The following TMEM165 variants were observed in gnomAD, a reference collection of about 807,000 sequenced individuals.
TMEM165 encodes transmembrane protein 165, also known as putative divalent cation/proton antiporter TMEM165.
Under a neutral mutation model 30.0 loss-of-function variants are expected in TMEM165, and 19 were observed. The ratio of observed to expected loss-of-function variants is 0.63; its 90% CI spans 0.44 to 0.93. TMEM165 has a LOEUF of 0.93. Ranked by LOEUF, TMEM165 falls within the 40% of genes least tolerant of loss-of-function variation. The pLI is 0.00. For synonymous variants in TMEM165, 168 were observed against 162.9 expected, an observed-to-expected ratio of 1.03 and a Z score of -0.24; for missense variants, 340 against 417.0, an observed-to-expected ratio of 0.82 and a Z score of 1.61.
intron 2 of TMEM165, among the ~76,000 whole-genome samples, chr4:55,412,393 C>CAAAAAAAAAAAAAAAA (rs371124857): frequency 7.4e-5 from 4 of 54,374 alleles, no homozygotes; most frequent in African/African-American, 3.0e-4. Context: ...GACTCCATCT[C>CAAAAAAAAAAAAAAAA]AAAAAAAAAA....
intron 3 of TMEM165, chr4:55,444,835 T>A (rs1401250894): frequency 1.9e-6 from 3 of 1,563,198 alleles, no homozygotes. Flanking sequence ...AATTACTTAC[T>A]CCTTATAATT....
chr4:55,426,875 CAT>C (rs981458713), downstream of TMEM165, among the ~76,000 whole-genome samples: 8 of 152,206 alleles, frequency 5.3e-5, no homozygotes, highest in East Asian at 1.9e-4. Flanking sequence ...AGAAGTAGCA[CAT>C]GTTGGTAAAA....
chr4:55,452,326 A>T (rs1724533436), exon 4 of TMEM165: 1 of 152,264 alleles, frequency 6.6e-6, no homozygotes. Flanking sequence ...TCAGCCAGCA[A>T]GAAACCAAGG....
chr4:55,396,375 C>G lies in TMEM165; in HGVS notation c.186C>G (p.Gly62=). The part of the protein sequence containing the change: ...QLQPQPVAVQ[G]PEPARVEKIF... ...AGCCGCAGCCTGTGGCTGTGCAGGG[C>G]CCCGAGCCGGCCCGGGTCGAGGTGA... Residue 62 remains glycine, a synonymous_variant, in exon 1 of 6, where the codon GGC becomes GGG. Coordinates refer to ENST00000381334, the MANE Select transcript of TMEM165 (RefSeq NM_018475.5). 1 of 1,500,192 alleles carries G rather than the reference C, an allele frequency of 6.7e-7. No homozygotes were observed. Among genetic ancestry groups the G allele is most frequent in the Non-Finnish European group, 8.8e-7 (1 of 1,130,020 alleles). 92.9% of individuals were successfully genotyped at this position (1,500,192 alleles called of 1,614,324 possible). A position where few individuals can be genotyped will look rare whatever the true frequency, so the allele number is the denominator to read the frequency against.
At chr4:55,420,106 A>AAAAAAAT (rs1474254120) in intron 4 of TMEM165, among the ~76,000 whole-genome samples, 4 of 45,438 alleles carry the variant, frequency 8.8e-5, no homozygotes, top group African/African-American at 1.6e-4. Context: ...AAGAAAAAAA[A>AAAAAAAT]ATATATATAT....
chr4:55,403,760 T>C (rs1477023454), intron 1 of TMEM165, among the ~76,000 whole-genome samples: 1 of 152,146 alleles, frequency 6.6e-6, no homozygotes, highest in Admixed American at 6.5e-5. Context: ...CTGCATCTAA[T>C]CCTGTATGCA....
intron 3 of TMEM165, chr4:55,448,893 TG>T: frequency 6.5e-7 from 1 of 1,539,980 alleles, no homozygotes; most frequent in Non-Finnish European, 9.0e-7. Flanking sequence ...AAAATAACAC[TG>T]AAGTGATTCT....
intron 3 of TMEM165, among the ~76,000 whole-genome samples, chr4:55,446,574 TA>T (rs1723870209): frequency 6.6e-6 from 1 of 152,224 alleles, no homozygotes; most frequent in Admixed American, 6.5e-5. Context: ...CATGGGCTTT[TA>T]AAGACTAGGC....
chr4:55,444,454 C>T (rs12643926), intron 3 of TMEM165, among the ~76,000 whole-genome samples: 88,360 of 151,504 alleles, frequency 0.58, 27,329 homozygotes, highest in South Asian at 0.81. Context: ...CCCTCAGAAA[C>T]AAATTATCTT....
chr4:55,433,123 A>G (rs1315731756), intron 3 of TMEM165: 1 of 152,644 alleles, frequency 6.6e-6, no homozygotes, highest in Non-Finnish European at 1.5e-5. Flanking sequence ...TAAGGTCAAG[A>G]AAGGCAATTT....
At position 55,418,891 on chromosome 4, in the gene TMEM165, A is replaced by C. The variant is rs373636694; in HGVS notation, c.792+906A>C. On this transcript the variant is annotated intron_variant, in intron 4 of 5. Coordinates refer to ENST00000381334, the MANE Select transcript of TMEM165 (RefSeq NM_018475.5). Reference sequence around the variant, plus strand: ...GAGAAACCCCTACTACTAAAAATACAAAAATTAGCCGGGCAAGGTGGCTCA... The same window carrying C: ...GAGAAACCCCTACTACTAAAAATACCAAAATTAGCCGGGCAAGGTGGCTCA... 8.5e-4 allele frequency among the ~76,000 whole-genome samples: 130 copies of C among 152,068 alleles called. 2 individuals are homozygous for C. In the South Asian group the frequency reaches 0.026, roughly 30 times the overall value.
intron 3 of TMEM165, among the ~76,000 whole-genome samples, chr4:55,436,892 C>CCTT (rs1553889205): frequency 1.0e-5 from 1 of 98,366 alleles, no homozygotes; most frequent in East Asian, 3.7e-4. Context: ...TTTGGGATGC[C>CCTT]TTTTTTTTTT....
chr4:55,416,993 A>C (rs1371510054), intron 2 of TMEM165, 79 bp from the exon 3 acceptor site: 2 of 1,287,114 alleles, frequency 1.6e-6, no homozygotes, highest in East Asian at 4.9e-5. Flanking sequence ...ACAGTGATAA[A>C]TTATTATTTC....
At chr4:55,407,269 T>C (rs1414819195) in intron 1 of TMEM165, among the ~76,000 whole-genome samples, 1 of 152,134 alleles carries the variant, frequency 6.6e-6, no homozygotes, top group Non-Finnish European at 1.5e-5. Flanking sequence ...GGCTTGTGGT[T>C]AGCAAAAGCC....
chr4:55,420,142 T>TA (rs61564475), intron 4 of TMEM165, among the ~76,000 whole-genome samples: 3 of 42,048 alleles, frequency 7.1e-5, no homozygotes, highest in African/African-American at 9.8e-5. Context: ...TATTTATTTA[T>TA]TTATTTTATT....
chr4:55,399,971 T>A (rs1248476762), intron 1 of TMEM165, among the ~76,000 whole-genome samples: 1 of 149,536 alleles, frequency 6.7e-6, no homozygotes, highest in Non-Finnish European at 1.5e-5. Context: ...TTGTTTATTC[T>A]AATTTTGTAT....
intron 3 of TMEM165, chr4:55,443,889 A>G (rs1223572287): frequency 1.9e-6 from 3 of 1,611,930 alleles, no homozygotes; most frequent in Non-Finnish European, 2.5e-6. Context: ...TGATTGTTGC[A>G]AAAACATCTT....
chr4:55,431,139 C>CTG (rs1252639457), downstream of TMEM165: 1 of 152,110 alleles, frequency 6.6e-6, no homozygotes, highest in Non-Finnish European at 1.5e-5. Context: ...TGCTTTTAGA[C>CTG]TGTGGTATGT....
chr4:55,444,852 C>T, intron 3 of TMEM165: 1 of 1,501,600 alleles, frequency 6.7e-7, no homozygotes, highest in Non-Finnish European at 9.1e-7. Context: ...AATTGCACAA[C>T]ATGAAAAGTA....
Sources: gnomAD v4.1 joint callset for allele counts (sites outside exome capture counted in the v4.1 genomes callset) on GRCh38, gnomAD v4.1.1 for gene constraint, MANE v1.5 for transcripts, NCBI Gene and HGNC (gene_info 2026-07-23, HGNC 2026-07-21) for gene names.